Variants in RHOA observed in about 807,000 individuals in gnomAD.
RHOA encodes transforming protein RhoA.
In RHOA, 3 loss-of-function variants were observed where a neutral mutation model predicts 17.5. The ratio of observed to expected loss-of-function variants is 0.17; its 90% CI spans 0.08 to 0.44. The LOEUF (loss-of-function observed/expected upper bound fraction) is 0.44. RHOA is among the 20% of genes least tolerant of loss of function. RHOA has a pLI of 0.99. For missense variants in RHOA, 56 were observed against 242.3 expected (o/e 0.23, Z 5.10); for synonymous variants, 98 against 88.4 (o/e 1.11, Z -0.61).
chr3:49,408,270 GTATATACGT>G, intron 1 of RHOA, among the ~76,000 whole-genome samples: 1 of 53,934 alleles, frequency 1.9e-5, no homozygotes, highest in Non-Finnish European at 4.4e-5. Context: ...ACGTATACAC[GTATATACGT>G]ATACACAAGT....
chr3:49,381,522 C>A (rs1203598889), intron 1 of RHOA, among the ~76,000 whole-genome samples: 1 of 151,630 alleles, frequency 6.6e-6, no homozygotes, highest in South Asian at 2.1e-4. Flanking sequence ...TTGCAGTGAG[C>A]TGAGAACGCG....
At chr3:49,396,617 G>A (rs1194611730) in intron 1 of RHOA, among the ~76,000 whole-genome samples, 1 of 152,078 alleles carries the variant, frequency 6.6e-6, no homozygotes, top group Non-Finnish European at 1.5e-5. Flanking sequence ...TGAGGCAGGA[G>A]AATCGCTTGA....
intron 4 of RHOA, among the ~76,000 whole-genome samples, chr3:49,361,470 A>ATCCC (rs1395488862): frequency 6.6e-6 from 1 of 152,202 alleles, no homozygotes; most frequent in Non-Finnish European, 1.5e-5. Context: ...GAGGAGAGGG[A>ATCCC]AGGCATTAGG....
intron 3 of RHOA, chr3:49,366,838 A>G (rs546743963): frequency 6.6e-6 from 1 of 152,236 alleles, no homozygotes; most frequent in African/African-American, 2.4e-5. Flanking sequence ...CTATCCAGGC[A>G]ACCCGAGGCC....
At chr3:49,363,994 G>GCTAT (rs777998794) in intron 3 of RHOA, among the ~76,000 whole-genome samples, 1 of 151,884 alleles carries the variant, frequency 6.6e-6, no homozygotes, top group Non-Finnish European at 1.5e-5. Context: ...GTAGCAGTGA[G>GCTAT]CTATGATCAC....
chr3:49,398,623 A>C (rs1388762314), intron 1 of RHOA, among the ~76,000 whole-genome samples: 1 of 150,684 alleles, frequency 6.6e-6, no homozygotes, highest in Non-Finnish European at 1.5e-5. Flanking sequence ...GGAGATCGAG[A>C]CCATCCTGGC....
intron 1 of RHOA, among the ~76,000 whole-genome samples, chr3:49,401,334 T>C (rs1362408516): frequency 6.6e-6 from 1 of 151,740 alleles, no homozygotes; most frequent in East Asian, 1.9e-4. Context: ...GTCTGGGCAA[T>C]ACAGTGAGAC....
At chr3:49,398,190 A>G (rs975339264) in intron 1 of RHOA, among the ~76,000 whole-genome samples, 2 of 145,404 alleles carry the variant, frequency 1.4e-5, no homozygotes, top group African/African-American at 5.1e-5. Context: ...GTGAAACCCC[A>G]TCTCTACTAA....
At chr3:49,391,528 T>C (rs2048506934) in intron 1 of RHOA, among the ~76,000 whole-genome samples, 2 of 152,154 alleles carry the variant, frequency 1.3e-5, no homozygotes, top group African/African-American at 4.8e-5. Context: ...CCCAACGTGG[T>C]AGCTACTAGC....
intron 1 of RHOA, among the ~76,000 whole-genome samples, chr3:49,380,940 G>GTATA (rs55897702): frequency 1.2e-4 from 18 of 150,308 alleles, no homozygotes; most frequent in South Asian, 6.3e-4. Context: ...ACGTGTGTGT[G>GTATA]TATATATATA....
chr3:49,401,264 A>G (rs1188820596), intron 1 of RHOA, among the ~76,000 whole-genome samples: 1 of 151,672 alleles, frequency 6.6e-6, no homozygotes, highest in Non-Finnish European at 1.5e-5. Flanking sequence ...GTGGCTCACA[A>G]CTGCAATCCC....
At chr3:49,366,105 G>A (rs1314224051) in intron 3 of RHOA, among the ~76,000 whole-genome samples, 1 of 152,124 alleles carries the variant, frequency 6.6e-6, no homozygotes, top group African/African-American at 2.4e-5. Context: ...TCTGGAGGCA[G>A]TTTTTTCCCT....
At chr3:49,404,481 C>G (rs1318491451) in intron 1 of RHOA, among the ~76,000 whole-genome samples, 1 of 99,622 alleles carries the variant, frequency 1.0e-5, no homozygotes, top group African/African-American at 3.5e-5. Flanking sequence ...CATGGTGGCA[C>G]GCACCTGTAG....
At chr3:49,395,413 TAGAG>T (rs974515223) in intron 1 of RHOA, among the ~76,000 whole-genome samples, 5 of 151,756 alleles carry the variant, frequency 3.3e-5, no homozygotes, top group African/African-American at 9.7e-5. Flanking sequence ...CTGTAATTAA[TAGAG>T]AAACAAAGCC....
chr3:49,400,919 G>A (rs949583031), intron 1 of RHOA, among the ~76,000 whole-genome samples: 1 of 150,610 alleles, frequency 6.6e-6, no homozygotes, highest in Non-Finnish European at 1.5e-5. Flanking sequence ...AGTGGCGGGC[G>A]CCTGTAGTCC....
At chr3:49,376,136 T>G (rs777173297) in intron 1 of RHOA, among the ~76,000 whole-genome samples, 1 of 151,882 alleles carries the variant, frequency 6.6e-6, no homozygotes, top group Non-Finnish European at 1.5e-5. Context: ...CCACCACGCC[T>G]GGCCTGTTCT....
intron 3 of RHOA, among the ~76,000 whole-genome samples, chr3:49,364,205 G>T (rs1430648549): frequency 6.6e-6 from 1 of 152,014 alleles, no homozygotes; most frequent in East Asian, 1.9e-4. Context: ...CAAAAAGATT[G>T]CCAGGCGCAG....
rs563887786 is a variant in RHOA at position 49,366,041 on chromosome 3, C to T, written c.277+2387G>A. Among the ~76,000 whole-genome samples the T allele has an allele frequency of 8.5e-5, 13 of 152,146 alleles. No individual in the cohort carries two copies. The South Asian group carries it at 2.3e-3, about 27-fold the overall frequency. ...CTGCACTCAAGACTGGGCAAGAAAG[C>T]GAGACCCTGTCTCAAAAAGAAAAAA... On this transcript the variant is annotated intron_variant, in intron 3 of 4. Transcript: ENST00000418115.
At chr3:49,360,758 T>A (rs567166788) in intron 4 of RHOA, among the ~76,000 whole-genome samples, 47 of 135,680 alleles carry the variant, frequency 3.5e-4, no homozygotes, top group African/African-American at 1.2e-3. Flanking sequence ...GTACCCAGCC[T>A]AAAAAAAAAA....
Sources: allele counts gnomAD v4.1 joint callset (sites outside exome capture counted in the v4.1 genomes callset), GRCh38; gene constraint gnomAD v4.1.1; transcripts MANE v1.5; gene names NCBI Gene and HGNC (gene_info 2026-07-23, HGNC 2026-07-21).